PANX1: variants seen among roughly 807,000 people sequenced by gnomAD.
PANX1 encodes pannexin 1.
PANX1 carries 30 observed loss-of-function variants against 38.7 expected under a neutral mutation model. The ratio of observed to expected loss-of-function variants is 0.78; its 90% CI spans 0.58 to 1.05. The LOEUF (loss-of-function observed/expected upper bound fraction) is 1.05, where lower values mean the gene tolerates loss of function less well. Ranked by LOEUF, PANX1 falls within the 50% of genes least tolerant of loss-of-function variation. The probability of loss-of-function intolerance (pLI) is 0.00; values close to 1 mark genes in which losing one functional copy is unlikely to be tolerated. For missense variants in PANX1, 551 were observed against 517.2 expected (o/e 1.07, Z -0.63); for synonymous variants, 230 against 212.2 (o/e 1.08, Z -0.73).
chr11:94,179,524 T>C (rs1947277661), intron 3 of PANX1, 78 bp from the exon 4 acceptor site: 1 of 1,021,616 alleles, frequency 9.8e-7, no homozygotes, highest in Non-Finnish European at 1.5e-6. Context: ...AGTGTGACAT[T>C]GTTGAATGTG....
chr11:94,163,658 C>G (rs1487210179), intron 2 of PANX1, among the ~76,000 whole-genome samples: 1 of 152,150 alleles, frequency 6.6e-6, no homozygotes, highest in African/African-American at 2.4e-5. Context: ...TATCTGTGTT[C>G]ATCGGAGGTA....
intron 2 of PANX1, among the ~76,000 whole-genome samples, chr11:94,156,408 C>A (rs1278122355): frequency 6.6e-6 from 1 of 152,200 alleles, no homozygotes; most frequent in Non-Finnish European, 1.5e-5. Flanking sequence ...TTGCCAGATT[C>A]ACAAGGCTGG....
intron 1 of PANX1, among the ~76,000 whole-genome samples, chr11:94,146,524 G>GC (rs1359782838): frequency 3.3e-5 from 5 of 152,318 alleles, no homozygotes; most frequent in African/African-American, 1.2e-4. Flanking sequence ...CCTTGACTAA[G>GC]TGCCCACCAT....
At chr11:94,173,503 CTG>C (rs1349104295) in intron 2 of PANX1, among the ~76,000 whole-genome samples, 1 of 151,656 alleles carries the variant, frequency 6.6e-6, no homozygotes, top group African/African-American at 2.4e-5. Flanking sequence ...TGCTCTGAAT[CTG>C]GGACTCTTCA....
intron 2 of PANX1, among the ~76,000 whole-genome samples, chr11:94,165,693 A>G (rs1384776408): frequency 6.6e-6 from 1 of 152,086 alleles, no homozygotes; most frequent in Non-Finnish European, 1.5e-5. Flanking sequence ...GGCAGATCAC[A>G]TGAGGTCAGG....
intron 2 of PANX1, among the ~76,000 whole-genome samples, chr11:94,164,425 T>C (rs181248108): frequency 3.9e-5 from 6 of 152,324 alleles, no homozygotes; most frequent in African/African-American, 1.2e-4. Flanking sequence ...TTTCAAGAAA[T>C]TTTTAAACTT....
chr11:94,134,039 A>G (rs1460266729), intron 1 of PANX1, among the ~76,000 whole-genome samples: 1 of 152,222 alleles, frequency 6.6e-6, no homozygotes, highest in South Asian at 2.1e-4. Flanking sequence ...TGATAGCAGT[A>G]AAGGATGCAC....
chr11:94,172,470 A>G (rs1171523105), intron 2 of PANX1, among the ~76,000 whole-genome samples: 1 of 151,956 alleles, frequency 6.6e-6, no homozygotes, highest in Non-Finnish European at 1.5e-5. Context: ...TTTGAGAAGC[A>G]AGAATCCAGA....
chr11:94,161,827 G>A (rs1288711984), intron 2 of PANX1, among the ~76,000 whole-genome samples: 1 of 152,146 alleles, frequency 6.6e-6, no homozygotes, highest in Non-Finnish European at 1.5e-5. Context: ...TTTCTGCTCT[G>A]TTTTTTCCCC....
intron 1 of PANX1, among the ~76,000 whole-genome samples, chr11:94,151,968 C>T (rs1031104878): frequency 1.2e-4 from 19 of 152,162 alleles, no homozygotes; most frequent in African/African-American, 4.6e-4. Context: ...CAAGAATATA[C>T]TCTCCTGAAA....
chr11:94,152,080 T>C (rs1430080424), intron 1 of PANX1, among the ~76,000 whole-genome samples: 1 of 137,442 alleles, frequency 7.3e-6, no homozygotes, highest in Non-Finnish European at 1.5e-5. Flanking sequence ...ATTAGGGAAA[T>C]CCAGCTCCGT....
In PANX1 at chr11:94,161,079, T is replaced by C. The variant is rs1947025582; in HGVS notation, c.321+7449T>C. ...CCACTCTCTTCTGGCTTGTAGAGTT[T>C]CTGCCGAGAAATCAGCTGTTAGTCT... On this transcript the variant is annotated intron_variant, in intron 2 of 4. Coordinates refer to ENST00000227638, the MANE Select transcript of PANX1 (RefSeq NM_015368.4). Among the ~76,000 whole-genome samples the C allele has an allele frequency of 2.6e-5, 4 of 152,272 alleles. No individual in the cohort carries two copies. The South Asian group carries it at 8.3e-4, about 32-fold the overall frequency.
At chr11:94,175,377 T>C (rs1163881834) in intron 2 of PANX1, among the ~76,000 whole-genome samples, 1 of 151,762 alleles carries the variant, frequency 6.6e-6, no homozygotes, top group Non-Finnish European at 1.5e-5. Flanking sequence ...TTACACCCTA[T>C]ATGTAATTTG....
At chr11:94,139,890 T>C (rs66700729) in intron 1 of PANX1, among the ~76,000 whole-genome samples, 85,834 of 152,048 alleles carry the variant, frequency 0.56, 24,940 homozygotes, top group Admixed American at 0.72. Context: ...TTTTCGTAAA[T>C]TGCCAATAGT....
intron 2 of PANX1, among the ~76,000 whole-genome samples, chr11:94,156,367 G>A (rs1390958895): frequency 6.6e-6 from 1 of 152,180 alleles, no homozygotes; most frequent in African/African-American, 2.4e-5. Flanking sequence ...TTGTTTGAAT[G>A]GAGGTTTATC....
rs1946590607 is a variant in PANX1 at position 94,129,088 on chromosome 11, TCCC to T, written c.-224_-222del. The T allele has an allele frequency of 2.0e-5, 8 of 409,150 alleles. No homozygotes were observed. The highest frequency in any genetic ancestry group is 4.5e-5 in the Admixed American group (1 of 22,234). The allele number at this position is 409,150 out of a possible 1,614,324, so 25.3% of individuals were successfully genotyped here. A position where few individuals can be genotyped will look rare whatever the true frequency, so the allele number is the denominator to read the frequency against. On this transcript the variant is annotated 5_prime_UTR_variant, in exon 1 of 5. Coordinates refer to ENST00000227638, the MANE Select transcript of PANX1 (RefSeq NM_015368.4). ...ACCGCAGGAAGCGGAGCTCTCGGGTTCCCGCCCCGCCCCGCCCCGCCGGCGGCG... is the reference window on the plus strand; with the variant it reads ...ACCGCAGGAAGCGGAGCTCTCGGGTTGCCCCGCCCCGCCCCGCCGGCGGCG...
At chr11:94,154,665 G>A (rs527971913) in intron 2 of PANX1, among the ~76,000 whole-genome samples, 1 of 152,214 alleles carries the variant, frequency 6.6e-6, no homozygotes, top group East Asian at 1.9e-4. Flanking sequence ...GTTTATAGTT[G>A]ACCCTTGAAC....
At chr11:94,173,945 G>T (rs1947199615) in intron 2 of PANX1, among the ~76,000 whole-genome samples, 1 of 151,556 alleles carries the variant, frequency 6.6e-6, no homozygotes, top group Non-Finnish European at 1.5e-5. Flanking sequence ...GCCAGAATTG[G>T]CTCCTTTTGG....
chr11:94,129,400 C>G lies in PANX1; in HGVS notation c.88C>G (p.Leu30Val). The stretch of plus-strand genomic sequence containing the variant: ...GGAGCCCAAGTTCAAGGGGCTGCGA[C>G]TGGAGCTGGCTGTGGACAAGATGGT... ...PTEPKFKGLRLELAVDKMVTC... is the reference protein window; with the variant it reads ...PTEPKFKGLRVELAVDKMVTC... The change falls in exon 1 of 5, where the codon CTG becomes GTG. Residue 30 changes from leucine (L) to valine (V), a missense_variant. Transcript: ENST00000227638. 1 of 1,614,070 alleles carries G rather than the reference C, an allele frequency of 6.2e-7. No homozygotes were observed. The highest frequency in any genetic ancestry group is 8.5e-7 in the Non-Finnish European group (1 of 1,179,956).
Sources: allele counts gnomAD v4.1 joint callset (sites outside exome capture counted in the v4.1 genomes callset), GRCh38; gene constraint gnomAD v4.1.1; transcripts MANE v1.5; gene names NCBI Gene and HGNC (gene_info 2026-07-23, HGNC 2026-07-21).